Variants in SRGAP3 observed in about 807,000 individuals in gnomAD.
SRGAP3 encodes the protein SLIT-ROBO Rho GTPase activating protein 3, also known as SLIT-ROBO Rho GTPase-activating protein 3.
Under a neutral mutation model 121.1 loss-of-function variants are expected in SRGAP3, and 39 were observed. The observed-to-expected ratio is 0.32, with a 90% CI of 0.25 to 0.42. The LOEUF is 0.42. Ranked by LOEUF, SRGAP3 falls within the 10% of genes least tolerant of loss-of-function variation. SRGAP3 has a pLI of 1.00. For missense variants in SRGAP3, 1,213 were observed against 1,470.6 expected (o/e 0.82, Z 2.86); for synonymous variants, 601 against 570.0 (o/e 1.05, Z -0.77).
chr3:9,133,372 T>A (rs1949531128), intron 1 of SRGAP3, among the ~76,000 whole-genome samples: 1 of 152,154 alleles, frequency 6.6e-6, no homozygotes, highest in South Asian at 2.1e-4. Context: ...TAATCCCAGC[T>A]AACTGTTAGG....
At chr3:9,244,399 C>T (rs1953751622) in intron 1 of SRGAP3, among the ~76,000 whole-genome samples, 1 of 151,800 alleles carries the variant, frequency 6.6e-6, no homozygotes, top group South Asian at 2.1e-4. Context: ...CTTCCTCAAA[C>T]CTCTAGACTT....
upstream of SRGAP3, among the ~76,000 whole-genome samples, chr3:9,251,356 C>T (rs980653378): frequency 6.6e-6 from 1 of 152,180 alleles, no homozygotes; most frequent in African/African-American, 2.4e-5. Flanking sequence ...CACTGCCTCA[C>T]GCCTCCCCTG....
chr3:9,289,543 G>A (rs1490098452), intron 3 of SRGAP3, among the ~76,000 whole-genome samples: 1 of 152,160 alleles, frequency 6.6e-6, no homozygotes, highest in African/African-American at 2.4e-5. Flanking sequence ...ATAGATCCTC[G>A]TAACAGTTTA....
intron 1 of SRGAP3, among the ~76,000 whole-genome samples, chr3:9,190,371 A>G (rs1275976297): frequency 1.3e-5 from 2 of 152,200 alleles, no homozygotes; most frequent in African/African-American, 2.4e-5. Flanking sequence ...AGCAGGACTC[A>G]GGTAGGACGC....
At chr3:9,304,769 C>A (rs1955129033) in intron 3 of SRGAP3, among the ~76,000 whole-genome samples, 1 of 152,148 alleles carries the variant, frequency 6.6e-6, no homozygotes, top group Non-Finnish European at 1.5e-5. Flanking sequence ...CCCAGGGCTT[C>A]CCATTTCCAA....
chr3:9,051,045 T>C (rs1945547990), intron 9 of SRGAP3, among the ~76,000 whole-genome samples: 1 of 100,328 alleles, frequency 1.0e-5, no homozygotes, highest in Non-Finnish European at 2.0e-5. Context: ...TTTTTTTTTT[T>C]TGAGACAGTC....
rs1016763644 is a variant in SRGAP3, at chr3:8,990,771, G to T, written c.2627C>A (p.Pro876His). 1 of 1,603,484 alleles carries T rather than the reference G, an allele frequency of 6.2e-7. No homozygotes were observed. The highest frequency in any genetic ancestry group is 1.3e-5 in the African/African-American group (1 of 74,730). ...GTCTATGCTGGGGCCCAGGCCCCGGGGCGGGCTGTGTGTGTCGCCCCCGCT... is the reference window on the plus strand; with the variant it reads ...GTCTATGCTGGGGCCCAGGCCCCGGTGCGGGCTGTGTGTGTCGCCCCCGCT... ...RRSGGDTHSP[P>H]RGLGPSIDTP... The change falls in exon 21 of 22, where the codon CCC (proline) becomes CAC (histidine). Residue 876 changes from proline to histidine, a missense_variant. Around this residue, in one of 2 missense-constraint regions of SRGAP3, gnomAD observed 420 missense variants for 437.7 expected, o/e 0.96. Coordinates refer to ENST00000383836, the MANE Select transcript of SRGAP3 (RefSeq NM_014850.4).
intron 1 of SRGAP3, among the ~76,000 whole-genome samples, chr3:9,132,913 C>CTG (rs1949509938): frequency 6.6e-6 from 1 of 150,824 alleles, no homozygotes; most frequent in Non-Finnish European, 1.5e-5. Context: ...TTACTCCCAC[C>CTG]TCTATCAACC....
chr3:9,085,283 T>C (rs1239071813), intron 3 of SRGAP3, among the ~76,000 whole-genome samples: 2 of 152,132 alleles, frequency 1.3e-5, no homozygotes, highest in Non-Finnish European at 2.9e-5. Flanking sequence ...GGCAGAGAGG[T>C]CAGCCTCTTC....
intron 1 of SRGAP3, among the ~76,000 whole-genome samples, chr3:9,341,401 T>C (rs1052896638): frequency 6.6e-5 from 10 of 152,320 alleles, no homozygotes; most frequent in African/African-American, 2.4e-4. Context: ...AAGAAAAGAA[T>C]GTGTCCCTAG....
At chr3:9,200,666 G>C (rs961394700) in intron 1 of SRGAP3, among the ~76,000 whole-genome samples, 1 of 152,158 alleles carries the variant, frequency 6.6e-6, no homozygotes, top group Non-Finnish European at 1.5e-5. Flanking sequence ...CCCTGGGATA[G>C]AAAGCAGAAG....
At chr3:9,014,803 A>G (rs1943550964) in intron 15 of SRGAP3, 1 of 152,240 alleles carries the variant, frequency 6.6e-6, no homozygotes, top group South Asian at 2.1e-4. Context: ...GAGTACTGTG[A>G]GAAACACCCC....
At chr3:9,275,611 A>G (rs1336965374) in intron 3 of SRGAP3, among the ~76,000 whole-genome samples, 3 of 152,134 alleles carry the variant, frequency 2.0e-5, no homozygotes, top group Admixed American at 6.5e-5. Flanking sequence ...CCTGGTAGTA[A>G]ATAAGGCTCA....
At chr3:9,236,588 CT>C (rs201599966) in intron 1 of SRGAP3, among the ~76,000 whole-genome samples, 1,604 of 151,980 alleles carry the variant, frequency 0.011, 7 homozygotes, top group Non-Finnish European at 0.013. Context: ...TTCCCCCCCC[CT>C]CTTCTTCCTA....
chr3:9,226,112 G>A (rs946850276), intron 1 of SRGAP3, among the ~76,000 whole-genome samples: 20 of 152,040 alleles, frequency 1.3e-4, no homozygotes, highest in Non-Finnish European at 2.8e-4. Flanking sequence ...ATCCTGCCCC[G>A]CAACCCCAAC....
At chr3:9,273,260 TCA>T (rs1954513863) in intron 3 of SRGAP3, among the ~76,000 whole-genome samples, 1 of 152,202 alleles carries the variant, frequency 6.6e-6, no homozygotes, top group Non-Finnish European at 1.5e-5. Context: ...CACCAGCCAG[TCA>T]CCTTCTGCTC....
intron 1 of SRGAP3, among the ~76,000 whole-genome samples, chr3:9,162,083 ACT>A (rs574768527): frequency 3.0e-4 from 46 of 152,168 alleles, no homozygotes; most frequent in African/African-American, 1.0e-3. Context: ...ATACTGTATG[ACT>A]CTACTTACAT....
intron 12 of SRGAP3, chr3:9,028,235 G>T: frequency 6.9e-7 from 1 of 1,459,710 alleles, no homozygotes; most frequent in Non-Finnish European, 9.5e-7. Context: ...CGTGAACGCC[G>T]AAATGCAATG....
intron 18 of SRGAP3, chr3:9,006,997 G>A (rs913636376): frequency 1.8e-5 from 2 of 112,958 alleles, no homozygotes; most frequent in African/African-American, 7.1e-5. Context: ...ACCTTGTTCT[G>A]TCACTCAGGC....
Sources: allele counts gnomAD v4.1 joint callset (sites outside exome capture counted in the v4.1 genomes callset), GRCh38; gene constraint gnomAD v4.1.1; regional missense constraint gnomAD v4.1.1; transcripts MANE v1.5; gene names NCBI Gene and HGNC (gene_info 2026-07-23, HGNC 2026-07-21).